LITAF: variants seen among roughly 807,000 people sequenced by gnomAD.
LITAF encodes the protein lipopolysaccharide induced TNF factor.
Under a neutral mutation model 14.5 loss-of-function variants are expected in LITAF, and 9 were observed. The ratio of observed to expected loss-of-function variants is 0.62; its 90% CI spans 0.37 to 1.08. The LOEUF is 1.08. Among genes scored for constraint, LITAF ranks in the 50% least tolerant of loss-of-function variants. The probability of loss-of-function intolerance (pLI) is 0.01; values close to 1 mark genes in which losing one functional copy is unlikely to be tolerated. For synonymous variants in LITAF, 98 were observed against 88.2 expected (o/e 1.11, Z -0.62); for missense variants, 206 against 213.4 (o/e 0.97, Z 0.22).
intron 3 of LITAF, among the ~76,000 whole-genome samples, chr16:11,616,595 G>C (rs936605488): frequency 1.3e-5 from 2 of 152,040 alleles, no homozygotes; most frequent in Admixed American, 1.3e-4. Flanking sequence ...AGCTCTGTCA[G>C]GTACGTGAGG....
At chr16:11,574,232 G>A (rs1435754441) in intron 1 of LITAF, among the ~76,000 whole-genome samples, 1 of 151,746 alleles carries the variant, frequency 6.6e-6, no homozygotes, top group African/African-American at 2.4e-5. Context: ...TGTAGAGACG[G>A]GGTCTCAGTA....
chr16:11,633,544 C>A (rs1051892949), exon 3 of LITAF: 1 of 152,114 alleles, frequency 6.6e-6, no homozygotes, highest in Admixed American at 6.6e-5. Flanking sequence ...AAAACCAAGA[C>A]GGCGACGAGG....
chr16:11,636,278 T>G (rs2065137925), exon 1 of LITAF: 1 of 152,144 alleles, frequency 6.6e-6, no homozygotes, highest in Non-Finnish European at 1.5e-5. Flanking sequence ...AAAACTAGGA[T>G]GCGGACACAC....
intron 3 of LITAF, among the ~76,000 whole-genome samples, chr16:11,611,485 G>A (rs901178818): frequency 6.6e-6 from 1 of 152,116 alleles, no homozygotes; most frequent in African/African-American, 2.4e-5. Context: ...ATTTAACCAG[G>A]CATCCTGCAT....
At chr16:11,611,332 G>C (rs1320704455) in intron 3 of LITAF, among the ~76,000 whole-genome samples, 1 of 152,134 alleles carries the variant, frequency 6.6e-6, no homozygotes, top group Non-Finnish European at 1.5e-5. Context: ...AACAGAACGA[G>C]ACCCTGTCTG....
chr16:11,570,801 A>G (rs1054806318), intron 1 of LITAF, among the ~76,000 whole-genome samples: 3 of 151,690 alleles, frequency 2.0e-5, no homozygotes, highest in African/African-American at 4.8e-5. Context: ...CATCCCAGCT[A>G]CTTGGGAGGC....
intron 1 of LITAF, among the ~76,000 whole-genome samples, chr16:11,577,986 C>T (rs189089512): frequency 6.6e-6 from 1 of 152,128 alleles, no homozygotes; most frequent in Non-Finnish European, 1.5e-5. Flanking sequence ...GCCTTCAACT[C>T]CTGGGCTCAA....
At chr16:11,609,505 T>A (rs761716454) in intron 3 of LITAF, among the ~76,000 whole-genome samples, 1 of 152,146 alleles carries the variant, frequency 6.6e-6, no homozygotes, top group African/African-American at 2.4e-5. Flanking sequence ...TGAGCCACCG[T>A]GCCCGGCCTG....
intron 3 of LITAF, among the ~76,000 whole-genome samples, chr16:11,629,965 G>A (rs764451596): frequency 6.6e-6 from 1 of 152,156 alleles, no homozygotes; most frequent in Non-Finnish European, 1.5e-5. Flanking sequence ...TTTAACATCA[G>A]TCGCCAGGTG....
At position 11,632,927 on chromosome 16, in the gene LITAF, C is replaced by T. The variant is rs563891948; in HGVS notation, c.85+606G>A. 1.1e-4 allele frequency among the ~76,000 whole-genome samples: 17 copies of T among 152,264 alleles called. No homozygotes were observed. In the East Asian group the frequency reaches 3.1e-3, roughly 28 times the overall value. ...GGAAACAAAGGCCAGCTCTGAGGCC[C>T]GGGGCTGGGAGGGCTGAGCTGGCAG... On this transcript the variant is annotated intron_variant, in intron 3 of 3. Coordinates refer to the LITAF transcript ENST00000574848. This position sits in a 1 kb window ranked among gnomAD's most constrained non-coding sequence, Gnocchi z 4.8.
upstream of LITAF, chr16:11,587,546 G>A (rs1425410268): frequency 7.1e-6 from 3 of 420,704 alleles, no homozygotes; most frequent in Middle Eastern, 7.7e-4. Context: ...GAACTGGGAA[G>A]ATGGTAAAGT....
In LITAF at chr16:11,565,243, C is replaced by T. The variant is rs189095185; in HGVS notation, c.-5-8508G>A. On this transcript the variant is annotated intron_variant, in intron 1 of 3. Coordinates refer to ENST00000622633, the MANE Select transcript of LITAF (RefSeq NM_001136472.2). The stretch of plus-strand genomic sequence containing the variant: ...GATTACAGGTGCCTGCCACCACACC[C>T]GGCTAATTTTTATATTTTTAGTAGA... Among the ~76,000 whole-genome samples, 267 of 151,778 alleles carry T rather than the reference C, an allele frequency of 1.8e-3. 2 individuals carry two copies. The highest frequency in any genetic ancestry group is 6.2e-3 in the African/African-American group (257 of 41,388).
intron 1 of LITAF, among the ~76,000 whole-genome samples, chr16:11,570,892 T>A (rs1034128667): frequency 1.3e-5 from 2 of 151,870 alleles, no homozygotes; most frequent in Admixed American, 6.6e-5. Flanking sequence ...CACTCCAGCC[T>A]GGGCAACAGA....
intron 3 of LITAF, among the ~76,000 whole-genome samples, chr16:11,552,587 G>A (rs184825290): frequency 9.2e-4 from 140 of 152,306 alleles, no homozygotes; most frequent in African/African-American, 3.2e-3. Flanking sequence ...GCTGGAAGCA[G>A]CTGTGAAGCT....
At chr16:11,596,841 G>A (rs2064892121) in intron 1 of LITAF, among the ~76,000 whole-genome samples, 1 of 151,296 alleles carries the variant, frequency 6.6e-6, no homozygotes, top group Admixed American at 6.6e-5. Flanking sequence ...GAGGTGGTGG[G>A]GAGGAGGAAG....
At chr16:11,576,974 C>T (rs1405476466) in intron 1 of LITAF, among the ~76,000 whole-genome samples, 2 of 152,200 alleles carry the variant, frequency 1.3e-5, no homozygotes. Context: ...AATGTGGGAA[C>T]AGGGTGGTGG....
chr16:11,558,694 C>A lies in LITAF; in HGVS notation c.-5-1959G>T, dbSNP rs566079235. Among the ~76,000 whole-genome samples, 1 of 152,024 alleles carries A rather than the reference C, an allele frequency of 6.6e-6. No homozygotes were observed. Among genetic ancestry groups the A allele is most frequent in the Non-Finnish European group, 1.5e-5 (1 of 67,980 alleles). ...CTGCACTCCAGCCTGGGAAACAGAG[C>A]GAGACTCTGTCTCAAAAACAAACAA... On this transcript the variant is annotated intron_variant, in intron 1 of 3. Coordinates refer to ENST00000622633, the MANE Select transcript of LITAF (RefSeq NM_001136472.2). The surrounding 1 kb of genome is among the most constrained non-coding windows in gnomAD (Gnocchi z 4.1).
chr16:11,552,145 T>C (rs1224578356), intron 3 of LITAF, among the ~76,000 whole-genome samples: 4 of 152,120 alleles, frequency 2.6e-5, no homozygotes, highest in South Asian at 2.1e-4. Context: ...CAAAGGACAA[T>C]GTGGAGGAAC....
chr16:11,631,814 C>G (rs2065119252), intron 3 of LITAF, among the ~76,000 whole-genome samples: 1 of 151,946 alleles, frequency 6.6e-6, no homozygotes, highest in Non-Finnish European at 1.5e-5. Context: ...AGATTCTTAA[C>G]TTGATGACAT....
Sources: gnomAD v4.1 joint callset for allele counts (sites outside exome capture counted in the v4.1 genomes callset) on GRCh38, gnomAD v4.1.1 for gene constraint, Gnocchi (gnomAD v3.1) non-coding constraint, MANE v1.5 for transcripts, NCBI Gene and HGNC (gene_info 2026-07-23, HGNC 2026-07-21) for gene names.